Variants in CTNNA2 observed in about 807,000 individuals in gnomAD.
CTNNA2 encodes catenin alpha 2.
A neutral mutation model predicts 101.0 loss-of-function variants in CTNNA2; 42 were observed. The observed-to-expected ratio is 0.42, with a 90% CI of 0.32 to 0.54. CTNNA2 has a LOEUF of 0.54. Ranked by LOEUF, CTNNA2 falls within the 20% of genes least tolerant of loss-of-function variation. CTNNA2 has a pLI of 0.14. For synonymous variants in CTNNA2, 450 were observed against 456.4 expected (o/e 0.99, Z 0.18); for missense variants, 871 against 1,223.1 (o/e 0.71, Z 4.29).
At chr2:80,147,369 G>A (rs370571553) in intron 7 of CTNNA2, among the ~76,000 whole-genome samples, 2 of 152,234 alleles carry the variant, frequency 1.3e-5, no homozygotes, top group South Asian at 4.1e-4. Flanking sequence ...CCAAAGTGCT[G>A]GGATTACAGC....
At chr2:80,044,246 G>A (rs781468773) in intron 7 of CTNNA2, among the ~76,000 whole-genome samples, 6 of 152,070 alleles carry the variant, frequency 3.9e-5, no homozygotes, top group Non-Finnish European at 8.8e-5. Context: ...TAACATAGCC[G>A]CACACCTTTC....
At chr2:79,479,407 T>C (rs1573185424) in intron 4 of CTNNA2, among the ~76,000 whole-genome samples, 1 of 152,218 alleles carries the variant, frequency 6.6e-6, no homozygotes, top group Non-Finnish European at 1.5e-5. Context: ...CTGAACCACT[T>C]GAAACTTTCC....
chr2:80,046,511 T>C (rs1572938785), intron 7 of CTNNA2, among the ~76,000 whole-genome samples: 1 of 152,050 alleles, frequency 6.6e-6, no homozygotes, highest in East Asian at 1.9e-4. Flanking sequence ...TTAGAATTAC[T>C]GATGGCTGAG....
At chr2:79,751,527 C>T (rs531741179) in intron 3 of CTNNA2, among the ~76,000 whole-genome samples, 14 of 128,140 alleles carry the variant, frequency 1.1e-4, no homozygotes, top group South Asian at 8.2e-4. Context: ...ACCTGGGAGG[C>T]GGAGGTTGCA....
At chr2:79,608,259 AT>A (rs1678029668) in intron 1 of CTNNA2, among the ~76,000 whole-genome samples, 1 of 152,084 alleles carries the variant, frequency 6.6e-6, no homozygotes, top group African/African-American at 2.4e-5. Flanking sequence ...TAAAAAAGGA[AT>A]TTGTAGTTAG....
intron 2 of CTNNA2, among the ~76,000 whole-genome samples, chr2:79,660,059 C>G (rs1314486582): frequency 6.6e-6 from 1 of 152,024 alleles, no homozygotes; most frequent in Non-Finnish European, 1.5e-5. Context: ...TTATTGAAAA[C>G]TGCTAAATCT....
At chr2:80,366,606 A>C (rs1343598911) in intron 7 of CTNNA2, among the ~76,000 whole-genome samples, 3 of 152,144 alleles carry the variant, frequency 2.0e-5, no homozygotes, top group Non-Finnish European at 4.4e-5. Context: ...GGTGGTGGCC[A>C]TGCATCCACC....
intron 2 of CTNNA2, among the ~76,000 whole-genome samples, chr2:79,686,239 T>G (rs547203421): frequency 6.6e-6 from 1 of 152,068 alleles, no homozygotes; most frequent in East Asian, 1.9e-4. Flanking sequence ...TGGACTTTAT[T>G]CTAAAGGCAA....
chr2:79,819,593 G>T (rs1341875236), intron 3 of CTNNA2, among the ~76,000 whole-genome samples: 3 of 152,086 alleles, frequency 2.0e-5, no homozygotes, highest in African/African-American at 7.2e-5. Context: ...TCAAATGGTG[G>T]ATAAAACATT....
intron 7 of CTNNA2, among the ~76,000 whole-genome samples, chr2:80,174,567 G>T (rs938992498): frequency 1.3e-5 from 2 of 152,242 alleles, no homozygotes; most frequent in African/African-American, 4.8e-5. Flanking sequence ...TGACCGGGTT[G>T]CTATTCTGAG....
At chr2:80,506,372 C>A (rs1688280214) in intron 9 of CTNNA2, among the ~76,000 whole-genome samples, 1 of 151,878 alleles carries the variant, frequency 6.6e-6, no homozygotes, top group Non-Finnish European at 1.5e-5. Context: ...GCTGGGCAGG[C>A]AAAAAATAAT....
chr2:79,586,171 G>C (rs983967098), intron 1 of CTNNA2, among the ~76,000 whole-genome samples: 1 of 152,010 alleles, frequency 6.6e-6, no homozygotes, highest in African/African-American at 2.4e-5. Flanking sequence ...CTGAACACTC[G>C]TAGGCCTCAG....
At chr2:79,894,056 CT>C (rs1558619684) in intron 6 of CTNNA2, among the ~76,000 whole-genome samples, 134 of 112,190 alleles carry the variant, frequency 1.2e-3, no homozygotes, top group Middle Eastern at 4.4e-3. Flanking sequence ...TCTTCTTCTT[CT>C]TCTTCTTCCT....
intron 2 of CTNNA2, among the ~76,000 whole-genome samples, chr2:79,304,866 G>C (rs1344507837): frequency 6.6e-6 from 1 of 152,168 alleles, no homozygotes; most frequent in East Asian, 1.9e-4. Context: ...ATGAAGAAAT[G>C]AATTGCTGAC....
At chr2:79,471,870 G>A (rs2250249) in intron 4 of CTNNA2, among the ~76,000 whole-genome samples, 56,215 of 151,624 alleles carry the variant, frequency 0.37, 10,695 homozygotes, top group East Asian at 0.54. Flanking sequence ...TAACATATCA[G>A]TTGTGGGGAG....
At chr2:79,965,125 G>T (rs1296530242) in intron 7 of CTNNA2, among the ~76,000 whole-genome samples, 2 of 152,146 alleles carry the variant, frequency 1.3e-5, no homozygotes, top group African/African-American at 4.8e-5. Context: ...ATTTTCATTT[G>T]CCTGTCTGTT....
rs149867706 is a variant in CTNNA2 at position 79,242,645 on chromosome 2, T to C, written c.-406+44569T>C. ...AAATTTCCTCCATTCCACGAAGGTA[T>C]TGGAGAGCTATTAGAATTCATTTTT... On this transcript the variant is annotated intron_variant, in intron 2 of 21. Coordinates refer to the CTNNA2 transcript ENST00000466387. Among the ~76,000 whole-genome samples the C allele has an allele frequency of 1.5e-4, 23 of 152,200 alleles. 1 individual carries two copies. In the East Asian group the frequency reaches 4.3e-3, roughly 28 times the overall value.
At chr2:80,541,368 A>T (rs574899456) in intron 9 of CTNNA2, among the ~76,000 whole-genome samples, 1 of 152,292 alleles carries the variant, frequency 6.6e-6, no homozygotes, top group South Asian at 2.1e-4. Flanking sequence ...CAGTACAATT[A>T]AAGAGAATAA....
At chr2:79,464,101 A>G (rs1670906875) in intron 4 of CTNNA2, among the ~76,000 whole-genome samples, 1 of 152,046 alleles carries the variant, frequency 6.6e-6, no homozygotes, top group South Asian at 2.1e-4. Context: ...GTCATTTAAC[A>G]TAAGGTATAT....
Sources: allele counts gnomAD v4.1 joint callset (sites outside exome capture counted in the v4.1 genomes callset), GRCh38; gene constraint gnomAD v4.1.1; transcripts MANE v1.5; gene names NCBI Gene and HGNC (gene_info 2026-07-23, HGNC 2026-07-21).